LAMB2: variants seen among roughly 807,000 people sequenced by gnomAD.
The protein encoded by LAMB2 is laminin subunit beta-2.
A neutral mutation model predicts 202.7 loss-of-function variants in LAMB2; 119 were observed. The ratio of observed to expected loss-of-function variants is 0.59; its 90% confidence interval spans 0.51 to 0.68. LAMB2 has a LOEUF of 0.68. LAMB2 is among the 30% of genes least tolerant of loss of function. LAMB2 has a pLI of 0.00. For missense variants in LAMB2, 2,124 were observed against 2,410.6 expected (o/e 0.88, Z 2.49); for synonymous variants, 818 against 902.2 (o/e 0.91, Z 1.67).
chr3:49,123,841 C>T lies in LAMB2; in HGVS notation c.3684G>A (p.Glu1228=), dbSNP rs745332112. The change falls in exon 24 of 32, where the codon GAG becomes GAA. Residue 1228 remains glutamate (E), a synonymous_variant. Transcript: ENST00000305544. ...TCTCCTGCATGTGCCAGAAGCTGCTCTCAAAGGCACCCAGCACACCCGTCT... is the reference window on the plus strand; with the variant it reads ...TCTCCTGCATGTGCCAGAAGCTGCTTTCAAAGGCACCCAGCACACCCGTCT... ...LQQTGVLGAF[E]SSFWHMQEKL... is the part of the protein sequence containing the mutation. The T allele has an allele frequency of 8.7e-6, 14 of 1,613,230 alleles. No homozygotes were observed. In the South Asian group the frequency reaches 1.2e-4, roughly 14 times the overall value.
rs553520886 is a variant in LAMB2 at position 49,132,373 on chromosome 3, C to G, written c.282G>C (p.Arg94=). Residue 94 remains arginine (R), a synonymous_variant, in exon 3 of 32, where the codon CGG becomes CGC. Coordinates refer to ENST00000305544, the MANE Select transcript of LAMB2 (RefSeq NM_002292.4). This position sits in a 1 kb window ranked among gnomAD's most constrained non-coding sequence, Gnocchi z 4.6. ...GGTTGTCTCTAGCAGAGAAGGGGCG[C>G]CGGGAGTCACAAAGGAAGCACTTCT... is the stretch of plus-strand genomic sequence containing the variant. ...DEKKCFLCDS[R]RPFSARDNPH... 1 of 1,614,188 alleles carries G rather than the reference C, an allele frequency of 6.2e-7. No homozygotes were observed. The highest frequency in any genetic ancestry group is 1.1e-5 in the South Asian group (1 of 91,080).
In LAMB2 at chr3:49,126,459, C is replaced by G. The variant is rs1394050412; in HGVS notation, c.2057G>C (p.Gly686Ala). Residue 686 changes from glycine to alanine, a missense_variant, in exon 16 of 32, where the codon GGT (glycine) becomes GCT (alanine). Physicochemically the swap from Gly to Ala is moderately conservative, Grantham distance 60 (BLOSUM62 0). Around this residue, in one of 3 missense-constraint regions of LAMB2, gnomAD observed 1,702 missense variants for 1,896.3 expected, o/e 0.90. Coordinates refer to ENST00000305544, the MANE Select transcript of LAMB2 (RefSeq NM_002292.4). Reference protein sequence around the residue: ...IFPNPVCLEPGISYKLHLKLV... With the variant: ...IFPNPVCLEPAISYKLHLKLV... The stretch of plus-strand genomic sequence containing the variant: ...CTTCAGATGCAGCTTGTAGGAGATA[C>G]CAGGCTCAAGGCAGACAGGATTAGG... 2 of 1,614,102 alleles carry G rather than the reference C, an allele frequency of 1.2e-6. No individual in the cohort carries two copies. The highest frequency in any genetic ancestry group is 1.7e-5 in the Admixed American group (1 of 60,004).
Position 49,132,468 on chromosome 3 carries a change from T to TCACACCCTGTCCCCAGC in LAMB2, c.249+6_249+22dup. On this transcript the variant is annotated intron_variant, in intron 2 of 31. Transcript: ENST00000305544. The surrounding 1 kb of genome is among the most constrained non-coding windows in gnomAD (Gnocchi z 4.6). ...GTGCCAGCCCCACCCTGACTCGGCGTCACACCCTGTCCCCAGCCACACCTG... is the reference window on the plus strand; with the variant it reads ...GTGCCAGCCCCACCCTGACTCGGCGTCACACCCTGTCCCCAGCCACACCCTGTCCCCAGCCACACCTG... The TCACACCCTGTCCCCAGC allele has an allele frequency of 6.2e-7, 1 of 1,614,066 alleles. No homozygotes were observed. The highest frequency in any genetic ancestry group is 8.5e-7 in the Non-Finnish European group (1 of 1,179,990).
rs2045458347 is a variant in LAMB2, at chr3:49,129,449, C to CT, written c.1519-126dup. On this transcript the variant is annotated intron_variant, in intron 11 of 31. Coordinates refer to ENST00000305544, the MANE Select transcript of LAMB2 (RefSeq NM_002292.4). This position sits in a 1 kb window ranked among gnomAD's most constrained non-coding sequence, Gnocchi z 6.1. ...CAGTGAAAACATGCCCCCCAGACCA[C>CT]TGGCCCACATCCTTGGCCTCCCAGA... The CT allele has an allele frequency of 9.1e-7, 1 of 1,101,200 alleles. No homozygotes were observed. Among genetic ancestry groups the CT allele is most frequent in the East Asian group, 2.6e-5 (1 of 39,036 alleles). The allele number at this position is 1,101,200 out of a possible 1,614,324, so 68.2% of individuals were successfully genotyped here.
Position 49,128,789 on chromosome 3 carries a change from G to A in LAMB2, c.1762C>T (p.Pro588Ser), listed in dbSNP as rs144324168. The A allele has an allele frequency of 6.2e-7, 1 of 1,613,750 alleles. No individual in the cohort carries two copies. Residue 588 changes from proline to serine, a missense_variant, in exon 14 of 32, where the codon CCC becomes TCC. Pro to Ser is a moderately conservative substitution (Grantham distance 74). This residue lies in a region of LAMB2 where 1,702 missense variants were observed against 1,896.3 expected (regional missense o/e 0.90). Transcript: ENST00000305544. ...VLDVVERLVT[P>S]GETPSWTGSG... ...CCAGTCCAGGATGGAGTTTCCCCGG[G>A]GGTCACCAGGCGCTCCACCACATCG...
Position 49,132,721 on chromosome 3 carries a change from G to C in LAMB2, c.77-58C>G, listed in dbSNP as rs1416835068. The C allele has an allele frequency of 1.9e-6, 3 of 1,613,096 alleles. No individual in the cohort carries two copies. Among genetic ancestry groups the C allele is most frequent in the Non-Finnish European group, 2.5e-6 (3 of 1,179,176 alleles). ...TTCCTATCCAGTGGCTCCACCTCAT[G>C]TGCCCCAAGGGCAACTACCAGGACC... On this transcript the variant is annotated intron_variant, in intron 1 of 31. Coordinates refer to ENST00000305544, the MANE Select transcript of LAMB2 (RefSeq NM_002292.4). This position sits in a 1 kb window ranked among gnomAD's most constrained non-coding sequence, Gnocchi z 4.6.
Position 49,132,008 on chromosome 3 carries a change from C to A in LAMB2, c.459+108G>T. On this transcript the variant is annotated intron_variant, in intron 4 of 31. Coordinates refer to ENST00000305544, the MANE Select transcript of LAMB2 (RefSeq NM_002292.4). The surrounding 1 kb of genome is among the most constrained non-coding windows in gnomAD (Gnocchi z 4.6). The stretch of plus-strand genomic sequence containing the variant: ...GGAAGGTGTGAAGGGATGAAGGAGC[C>A]TCCTGCATCCATGCTCAAGGAGGCT... 1 of 1,112,852 alleles carries A rather than the reference C, an allele frequency of 9.0e-7. No individual in the cohort carries two copies. The highest frequency in any genetic ancestry group is 1.4e-6 in the Non-Finnish European group (1 of 728,020). 68.9% of individuals were successfully genotyped at this position (1,112,852 alleles called of 1,614,324 possible).
At chr3:49,127,588 G>A (rs1478450080) in intron 15 of LAMB2, among the ~76,000 whole-genome samples, 15 of 151,704 alleles carry the variant, frequency 9.9e-5, no homozygotes, top group Non-Finnish European at 1.6e-4. Context: ...CCAGCTACTT[G>A]GGAGGCTGAG....
chr3:49,125,093 G>A lies in LAMB2; in HGVS notation c.2797C>T (p.Pro933Ser). 1.2e-6 allele frequency: 2 copies of A among 1,613,886 alleles called. No individual in the cohort carries two copies. Among genetic ancestry groups the A allele is most frequent in the South Asian group, 2.2e-5 (2 of 91,090 alleles). Residue 933 changes from proline (P) to serine (S), a missense_variant, in exon 20 of 32, where the codon CCT (proline) becomes TCT (serine). By Grantham distance (74) the Pro-to-Ser change is moderately conservative. This residue lies in a region of LAMB2 where 1,702 missense variants were observed against 1,896.3 expected (regional missense o/e 0.90). Coordinates refer to ENST00000305544, the MANE Select transcript of LAMB2 (RefSeq NM_002292.4). The part of the protein sequence containing the change: ...QCRPCPCPEG[P>S]GSQRHFATSC... ...GTAGCAAAGTGCCGTTGGCTCCCAG[G>A]GCCTTCAGGACAGGGACAGGGCCGG...
chr3:49,121,433 C>A lies in LAMB2; in HGVS notation c.5260G>T (p.Glu1754Ter). The A allele has an allele frequency of 2.5e-6, 4 of 1,614,034 alleles. No individual in the cohort carries two copies. Among genetic ancestry groups the A allele is most frequent in the Non-Finnish European group, 3.4e-6 (4 of 1,180,032 alleles). Residue 1754 changes from glutamate to a stop codon, truncating the protein, a stop_gained and splice_region_variant, in exon 31 of 32, where the codon GAA becomes TAA. Coordinates refer to ENST00000305544, the MANE Select transcript of LAMB2 (RefSeq NM_002292.4). LOFTEE classifies it high-confidence loss of function. ...AAQDKLQRLQELEGTYEENER... is the reference protein window; with the variant it reads ...AAQDKLQRLQ ...GTGTCTCTGGTGCCCCATTTCTTACCCTGTAGCCGCTGCAGCTTGTCCTGA... is the reference window on the plus strand; with the variant it reads ...GTGTCTCTGGTGCCCCATTTCTTACACTGTAGCCGCTGCAGCTTGTCCTGA...
In LAMB2 at chr3:49,130,777, C is replaced by G; in HGVS notation, c.999G>C (p.Trp333Cys). Residue 333 changes from tryptophan (W) to cysteine (C), a missense_variant, in exon 8 of 32, where the codon TGG (tryptophan) becomes TGC (cysteine). This residue lies in a region of LAMB2 where 256 missense variants were observed against 356.1 expected (regional missense o/e 0.72). Transcript: ENST00000305544. The surrounding 1 kb of genome is among the most constrained non-coding windows in gnomAD (Gnocchi z 5.0). ...GACTATGGCCGTCCTCAGCCGGACGCCAGGGCAGGTCACGATAGAAATCCT... is the reference window on the plus strand; with the variant it reads ...GACTATGGCCGTCCTCAGCCGGACGGCAGGGCAGGTCACGATAGAAATCCT... ...QCQDFYRDLP[W>C]RPAEDGHSHA... 6.2e-7 allele frequency: 1 copy of G among 1,614,166 alleles called. No homozygotes were observed. Among genetic ancestry groups the G allele is most frequent in the Admixed American group, 1.7e-5 (1 of 60,028 alleles).
rs370936732 is a variant in LAMB2, at chr3:49,133,014, G to T, written c.-147C>A. 1.6e-5 allele frequency: 11 copies of T among 709,066 alleles called. No individual in the cohort carries two copies. Among genetic ancestry groups the T allele is most frequent in the Non-Finnish European group, 2.7e-5 (11 of 401,548 alleles). The allele number at this position is 709,066 out of a possible 1,614,324, so 43.9% of individuals were successfully genotyped here. On this transcript the variant is annotated 5_prime_UTR_variant, in exon 1 of 32. Coordinates refer to ENST00000305544, the MANE Select transcript of LAMB2 (RefSeq NM_002292.4). ...CTGTCAGTTCCCAGGTCTGTCCAGC[G>T]GTCCCTCCGACAGCTTAGAGTCCAG...
In LAMB2 at chr3:49,126,505, C is replaced by T. The variant is rs377396194; in HGVS notation, c.2019-8G>A. On this transcript the variant is annotated splice_region_variant and splice_polypyrimidine_tract_variant and intron_variant, in intron 15 of 31. Transcript: ENST00000305544. ...TTAGGAAATATCAAGTACCTGGGGG[C>T]GAGTGGGGACAGGTGCAGTGGGTCA... 60 of 1,613,848 alleles carry T rather than the reference C, an allele frequency of 3.7e-5. No individual in the cohort carries two copies. The East Asian group carries it at 5.3e-4, about 14-fold the overall frequency.
rs1362125626 is a variant in LAMB2 at position 49,128,574 on chromosome 3, T to C, written c.1902A>G (p.Gln634=). 4 of 1,614,100 alleles carry C rather than the reference T, an allele frequency of 2.5e-6. No homozygotes were observed. The highest frequency in any genetic ancestry group is 3.4e-6 in the Non-Finnish European group (4 of 1,180,036). The part of the protein sequence containing the change: ...LLRLEPQVPE[Q]WAELELIVQR... ...GCACAATCAGTTCCAACTCTGCCCATTGCTCAGGGACCTGGGAAAACGGGA... is the reference window on the plus strand; with the variant it reads ...GCACAATCAGTTCCAACTCTGCCCACTGCTCAGGGACCTGGGAAAACGGGA... The change falls in exon 15 of 32, where the codon CAA becomes CAG. Residue 634 remains glutamine (Q), a synonymous_variant. Coordinates refer to ENST00000305544, the MANE Select transcript of LAMB2 (RefSeq NM_002292.4).
At position 49,132,686 on chromosome 3, in the gene LAMB2, T is replaced by G. The variant is rs185612376; in HGVS notation, c.77-23A>C. On this transcript the variant is annotated intron_variant, in intron 1 of 31. Transcript: ENST00000305544. The surrounding 1 kb of genome is among the most constrained non-coding windows in gnomAD (Gnocchi z 4.6). ...GCACTGGGGACAGTAGCTCAGTCAG[T>G]TCCGCTGAGTTCCTATCCAGTGGCT... 3.7e-6 allele frequency: 6 copies of G among 1,614,116 alleles called. No homozygotes were observed. In the Admixed American group the frequency reaches 1.0e-4, roughly 27 times the overall value.
In LAMB2 at chr3:49,126,133, C is replaced by T; in HGVS notation, c.2178G>A (p.Val726=). The T allele has an allele frequency of 6.2e-7, 1 of 1,613,196 alleles. No individual in the cohort carries two copies. Among genetic ancestry groups the T allele is most frequent in the Non-Finnish European group, 8.5e-7 (1 of 1,179,996 alleles). Residue 726 remains valine, a synonymous_variant, in exon 17 of 32, where the codon GTG becomes GTA. Transcript: ENST00000305544. Reference sequence around the variant, plus strand: ...CATCACCCCCACTAAACATCTCTAGCACCAGGACACGGGGCAGCAGCACCA... The same window carrying T: ...CATCACCCCCACTAAACATCTCTAGTACCAGGACACGGGGCAGCAGCACCA... ...DSLVLLPRVL[V]LEMFSGGDAA...
Position 49,121,448 on chromosome 3 carries a change from GC to G in LAMB2, c.5244del (p.Lys1748AsnfsTer73), listed in dbSNP as rs2045235666. 1 of 1,613,958 alleles carries G rather than the reference GC, an allele frequency of 6.2e-7. No homozygotes were observed. Among genetic ancestry groups the G allele is most frequent in the Non-Finnish European group, 8.5e-7 (1 of 1,180,048 alleles). ...ARDLLQAAQD[K>X]LQRLQELEGT... is the part of the protein sequence containing the mutation. ...CATTTCTTACCCTGTAGCCGCTGCA[GC>G]TTGTCCTGAGCGGCTTGCAACAGGT... On this transcript the variant is annotated frameshift_variant, in exon 31 of 32. Transcript: ENST00000305544. LOFTEE classifies it high-confidence loss of function.
Position 49,121,300 on chromosome 3 carries a change from C to G in LAMB2, c.5323G>C (p.Gly1775Arg), listed in dbSNP as rs779344712. Reference sequence around the variant, plus strand: ...ACGCTGCGCATCCTGGCCTCCAACCCGTCCAACTGGGCTGCCTTACTCTCC... The same window carrying G: ...ACGCTGCGCATCCTGGCCTCCAACCGGTCCAACTGGGCTGCCTTACTCTCC... The part of the protein sequence containing the change: ...ALESKAAQLD[G>R]LEARMRSVLQ... Residue 1775 changes from glycine (G) to arginine (R), a missense_variant, in exon 32 of 32, where the codon GGG becomes CGG. Coordinates refer to ENST00000305544, the MANE Select transcript of LAMB2 (RefSeq NM_002292.4). The G allele has an allele frequency of 6.2e-7, 1 of 1,613,412 alleles. No homozygotes were observed. Among genetic ancestry groups the G allele is most frequent in the South Asian group, 1.1e-5 (1 of 91,062 alleles).
chr3:49,129,077 G>T lies in LAMB2; in HGVS notation c.1674C>A (p.Gly558=). The T allele has an allele frequency of 6.2e-7, 1 of 1,613,668 alleles. No homozygotes were observed. ...VGRRCEQVQP[G]YFRPFLDHLI... is the part of the protein sequence containing the mutation. The stretch of plus-strand genomic sequence containing the variant: ...GGTGGTCCAGGAAGGGCCGGAAGTA[G>T]CCAGGTTGCACCTGCTCACAGCGTC... Residue 558 remains glycine (G), a synonymous_variant, in exon 13 of 32, where the codon GGC becomes GGA. Coordinates refer to ENST00000305544, the MANE Select transcript of LAMB2 (RefSeq NM_002292.4). This position sits in a 1 kb window ranked among gnomAD's most constrained non-coding sequence, Gnocchi z 6.1.
Sources: allele counts gnomAD v4.1 joint callset (sites outside exome capture counted in the v4.1 genomes callset), GRCh38; gene constraint gnomAD v4.1.1; regional missense constraint gnomAD v4.1.1; non-coding constraint Gnocchi (gnomAD v3.1); transcripts MANE v1.5; gene names NCBI Gene and HGNC (gene_info 2026-07-23, HGNC 2026-07-21).